Variants in YPEL1 observed in about 807,000 individuals in gnomAD.
YPEL1 encodes the protein protein yippee-like 1.
In YPEL1, 7 loss-of-function variants were observed where a neutral mutation model predicts 17.3. That is an observed-to-expected ratio of 0.40 (90% CI 0.23 to 0.76). YPEL1 has a LOEUF of 0.76. Ranked by LOEUF, YPEL1 falls within the 30% of genes least tolerant of loss-of-function variation. The probability of loss-of-function intolerance (pLI) is 0.35; values close to 1 mark genes in which losing one functional copy is unlikely to be tolerated. For synonymous variants in YPEL1, 59 were observed against 59.6 expected, an observed-to-expected ratio of 0.99 and a Z score of 0.05; for missense variants, 91 against 155.5, an observed-to-expected ratio of 0.59 and a Z score of 2.21.
chr22:21,732,419 G>T (rs1175911072), intron 1 of YPEL1, among the ~76,000 whole-genome samples: 1 of 152,134 alleles, frequency 6.6e-6, no homozygotes, highest in Non-Finnish European at 1.5e-5. Flanking sequence ...AAAGCAGGGG[G>T]GCTTCTATTG....
intron 1 of YPEL1, among the ~76,000 whole-genome samples, chr22:21,727,583 G>A (rs1420673453): frequency 6.6e-6 from 1 of 152,172 alleles, no homozygotes; most frequent in East Asian, 1.9e-4. Flanking sequence ...CCTAAAATAA[G>A]CCTGTAAAAT....
intron 1 of YPEL1, among the ~76,000 whole-genome samples, chr22:21,718,157 AC>A (rs201194622): frequency 0.017 from 2,547 of 151,214 alleles, 69 homozygotes; most frequent in African/African-American, 0.057. Context: ...AAACAAAACA[AC>A]AACAACAACA....
At chr22:21,720,818 T>G (rs1294561156) in intron 1 of YPEL1, among the ~76,000 whole-genome samples, 1 of 149,856 alleles carries the variant, frequency 6.7e-6, no homozygotes, top group Non-Finnish European at 1.5e-5. Flanking sequence ...ATTTTGTTTT[T>G]TTTTTTTTTT....
chr22:21,728,024 G>T (rs1217109158), intron 1 of YPEL1, among the ~76,000 whole-genome samples: 1 of 152,226 alleles, frequency 6.6e-6, no homozygotes, highest in Non-Finnish European at 1.5e-5. Flanking sequence ...AGGGGCTGGT[G>T]TGCCAGGTGG....
intron 2 of YPEL1, chr22:21,704,272 C>T (rs975067589): frequency 7.2e-6 from 5 of 695,470 alleles, no homozygotes; most frequent in Non-Finnish European, 1.3e-5. Context: ...CTCTCCTCGC[C>T]GCCTCTTCTG....
Position 21,710,772 on chromosome 22 carries a change from A to C in YPEL1, c.-28T>G. The C allele has an allele frequency of 3.8e-5, 61 of 1,595,034 alleles. No individual in the cohort carries two copies. Among genetic ancestry groups the C allele is most frequent in the Non-Finnish European group, 4.7e-5 (55 of 1,162,664 alleles). On this transcript the variant is annotated 5_prime_UTR_variant, in exon 2 of 5. Coordinates refer to ENST00000339468, the MANE Select transcript of YPEL1 (RefSeq NM_013313.5). The stretch of plus-strand genomic sequence containing the variant: ...CTCCTGGGCACTCCTCACTCAGCTC[A>C]GGGCTGGTTCTGGAAGAACCGTGGC...
intron 1 of YPEL1, among the ~76,000 whole-genome samples, chr22:21,711,313 T>TG (rs1464665344): frequency 6.6e-6 from 1 of 152,106 alleles, no homozygotes; most frequent in Non-Finnish European, 1.5e-5. Context: ...TAGTTGGAAG[T>TG]GAAAAAATGA....
At chr22:21,711,887 A>T (rs2068169814) in intron 1 of YPEL1, among the ~76,000 whole-genome samples, 1 of 152,260 alleles carries the variant, frequency 6.6e-6, no homozygotes, top group East Asian at 1.9e-4. Context: ...AAAATTCAAA[A>T]CTTCTGGCTC....
chr22:21,723,615 C>T (rs1343234059), intron 1 of YPEL1, among the ~76,000 whole-genome samples: 1 of 151,510 alleles, frequency 6.6e-6, no homozygotes, highest in African/African-American at 2.4e-5. Context: ...TGATCCACCA[C>T]CTCAGCCTCC....
intron 1 of YPEL1, among the ~76,000 whole-genome samples, chr22:21,712,231 C>A (rs1274783805): frequency 6.6e-6 from 1 of 151,978 alleles, no homozygotes; most frequent in Non-Finnish European, 1.5e-5. Context: ...AGAGGCAACC[C>A]AGAGAATGAG....
intron 4 of YPEL1, 97 bp from the exon 5 acceptor site, chr22:21,701,315 A>G: frequency 1.1e-6 from 1 of 875,890 alleles, no homozygotes; most frequent in South Asian, 1.5e-5. Context: ...TATACTATGA[A>G]CTATATACCC....
intron 1 of YPEL1, among the ~76,000 whole-genome samples, chr22:21,717,179 C>CAT (rs948567049): frequency 1.4e-4 from 22 of 152,058 alleles, no homozygotes; most frequent in Non-Finnish European, 2.9e-5. Context: ...AGTTCGAGAC[C>CAT]AGCCTGGCCA....
At chr22:21,706,372 T>C (rs1470582744) in intron 2 of YPEL1, among the ~76,000 whole-genome samples, 1 of 149,736 alleles carries the variant, frequency 6.7e-6, no homozygotes, top group Non-Finnish European at 1.5e-5. Context: ...GAGGCAGAGG[T>C]TGCAGTGAGC....
intron 2 of YPEL1, among the ~76,000 whole-genome samples, chr22:21,709,829 G>A (rs1196987459): frequency 6.6e-6 from 1 of 151,144 alleles, no homozygotes; most frequent in Non-Finnish European, 1.5e-5. Flanking sequence ...GTGAGGATGG[G>A]TGCAAGTCAT....
At chr22:21,706,927 T>G (rs1424813906) in intron 2 of YPEL1, among the ~76,000 whole-genome samples, 4 of 152,070 alleles carry the variant, frequency 2.6e-5, no homozygotes, top group African/African-American at 9.7e-5. Flanking sequence ...AGCTGTAAAG[T>G]GAGTGTCATT....
At chr22:21,721,869 T>A (rs557274918) in intron 1 of YPEL1, among the ~76,000 whole-genome samples, 1 of 152,342 alleles carries the variant, frequency 6.6e-6, no homozygotes, top group East Asian at 1.9e-4. Context: ...GATTAATAAA[T>A]TCCCATTTCC....
At chr22:21,702,993 T>C (rs114913067) in intron 4 of YPEL1, among the ~76,000 whole-genome samples, 3,871 of 152,300 alleles carry the variant, frequency 0.025, 150 homozygotes, top group African/African-American at 0.089. Flanking sequence ...CGCTGAGGTC[T>C]TCTAGACTTG....
At chr22:21,720,384 A>G (rs2068269555) in intron 1 of YPEL1, among the ~76,000 whole-genome samples, 1 of 151,422 alleles carries the variant, frequency 6.6e-6, no homozygotes, top group African/African-American at 2.4e-5. Flanking sequence ...TTTTTGTTGT[A>G]GAGATGGGGT....
chr22:21,729,240 G>A (rs1762162301), intron 1 of YPEL1, among the ~76,000 whole-genome samples: 1 of 151,316 alleles, frequency 6.6e-6, no homozygotes, highest in Non-Finnish European at 1.5e-5. Context: ...AGGCCCAGGA[G>A]GGAGAGGTTG....
Sources: gnomAD v4.1 joint callset for allele counts (sites outside exome capture counted in the v4.1 genomes callset) on GRCh38, gnomAD v4.1.1 for gene constraint, MANE v1.5 for transcripts, NCBI Gene and HGNC (gene_info 2026-07-23, HGNC 2026-07-21) for gene names.